The following WWOX variants were observed in gnomAD, a reference collection of about 807,000 sequenced individuals.
WWOX encodes WW domain-containing oxidoreductase.
Under a neutral mutation model 46.2 loss-of-function variants are expected in WWOX, and 69 were observed. The ratio of observed to expected loss-of-function variants is 1.49; its 90% CI spans 1.23 to 1.82. The LOEUF (loss-of-function observed/expected upper bound fraction) is 1.82, where lower values mean the gene tolerates loss of function less well. Ranked by LOEUF, WWOX falls within the 40% of genes most tolerant of loss-of-function variation. WWOX has a pLI of 0.00. For missense variants in WWOX, 919 were observed against 542.6 expected, an observed-to-expected ratio of 1.69 and a Z score of -6.89; for synonymous variants, 359 against 202.6, an observed-to-expected ratio of 1.77 and a Z score of -6.56.
chr16:78,999,202 G>T (rs12596848), intron 8 of WWOX, among the ~76,000 whole-genome samples: 3 of 151,414 alleles, frequency 2.0e-5, no homozygotes, highest in Non-Finnish European at 4.4e-5. Context: ...CAGGGGCAGC[G>T]GGTCATACCT....
intron 8 of WWOX, among the ~76,000 whole-genome samples, chr16:78,781,507 A>T (rs1447596288): frequency 4.6e-5 from 7 of 152,194 alleles, no homozygotes; most frequent in Non-Finnish European, 7.3e-5. Context: ...AGGTATAGAC[A>T]TTATGACCCT....
intron 8 of WWOX, among the ~76,000 whole-genome samples, chr16:78,501,071 A>T (rs1054496194): frequency 3.9e-5 from 6 of 152,158 alleles, no homozygotes; most frequent in Non-Finnish European, 7.3e-5. Context: ...AATGTTGGGC[A>T]GGGCAGAGGG....
chr16:78,862,657 C>G (rs2043915914), intron 8 of WWOX, among the ~76,000 whole-genome samples: 1 of 152,062 alleles, frequency 6.6e-6, no homozygotes, highest in South Asian at 2.1e-4. Flanking sequence ...GCATCAGTTC[C>G]ATTCCATATC....
intron 8 of WWOX, among the ~76,000 whole-genome samples, chr16:78,906,355 G>C (rs948311148): frequency 1.3e-5 from 2 of 152,184 alleles, no homozygotes; most frequent in African/African-American, 4.8e-5. Flanking sequence ...CCGGCTGGAA[G>C]TGCTCTTTGA....
At chr16:78,549,511 A>G (rs751459042) in intron 8 of WWOX, among the ~76,000 whole-genome samples, 16 of 152,146 alleles carry the variant, frequency 1.1e-4, no homozygotes, top group African/African-American at 1.4e-4. Flanking sequence ...TAATCATGCT[A>G]TCTCGACTTC....
intron 8 of WWOX, among the ~76,000 whole-genome samples, chr16:79,030,436 G>A (rs577879857): frequency 6.6e-5 from 10 of 152,126 alleles, no homozygotes; most frequent in Non-Finnish European, 1.3e-4. Context: ...GTGTTCTCCA[G>A]GATGCCTTTT....
At chr16:78,755,799 C>G (rs1337417108) in intron 8 of WWOX, among the ~76,000 whole-genome samples, 2 of 152,202 alleles carry the variant, frequency 1.3e-5, no homozygotes, top group Non-Finnish European at 2.9e-5. Context: ...TGGTTCCACT[C>G]TCACTTTCGC....
At chr16:78,591,916 C>G (rs2045361352) in intron 8 of WWOX, among the ~76,000 whole-genome samples, 1 of 152,218 alleles carries the variant, frequency 6.6e-6, no homozygotes, top group African/African-American at 2.4e-5. Context: ...ACTGACCACT[C>G]TCTGTACAGA....
chr16:79,017,563 C>A (rs1216995486), intron 8 of WWOX: 3 of 150,334 alleles, frequency 2.0e-5, no homozygotes, highest in African/African-American at 7.3e-5. Flanking sequence ...CCTATGACGT[C>A]TGTCACAATT....
intron 8 of WWOX, among the ~76,000 whole-genome samples, chr16:79,088,916 G>C (rs1258428211): frequency 6.6e-6 from 1 of 152,084 alleles, no homozygotes; most frequent in Non-Finnish European, 1.5e-5. Context: ...ACTTCCTATT[G>C]GAGTGTACTT....
intron 4 of WWOX, among the ~76,000 whole-genome samples, chr16:78,148,525 T>TA (rs398042244): frequency 6.6e-6 from 1 of 151,880 alleles, no homozygotes; most frequent in East Asian, 1.9e-4. Context: ...TTTTTTTTTT[T>TA]AACAGGAGGC....
At chr16:78,937,008 T>A (rs978254255) in intron 8 of WWOX, among the ~76,000 whole-genome samples, 5 of 152,224 alleles carry the variant, frequency 3.3e-5, no homozygotes, top group Admixed American at 3.3e-4. Context: ...GGTCATATAC[T>A]GTTTGGTACA....
At chr16:79,074,425 T>TTTTTTTTTTTTTTTTTTTTTTTTTG (rs2048614053) in intron 8 of WWOX, among the ~76,000 whole-genome samples, 1 of 130,034 alleles carries the variant, frequency 7.7e-6, no homozygotes, top group Non-Finnish European at 1.6e-5. Context: ...TTTTTTTTTT[T>TTTTTTTTTTTTTTTTTTTTTTTTTG]TTTTTTTTTT....
At chr16:79,040,087 T>C (rs1432045806) in intron 8 of WWOX, among the ~76,000 whole-genome samples, 1 of 152,124 alleles carries the variant, frequency 6.6e-6, no homozygotes, top group Non-Finnish European at 1.5e-5. Flanking sequence ...GGTATAATAA[T>C]CATTCCTACC....
At chr16:78,387,080 GGCCC>G in intron 6 of WWOX, 132 bp downstream of exon 6, 1 of 868,610 alleles carries the variant, frequency 1.2e-6, no homozygotes, top group South Asian at 1.4e-5. Flanking sequence ...CATTTATATT[GGCCC>G]TGTTAAGGTG....
intron 8 of WWOX, among the ~76,000 whole-genome samples, chr16:78,747,107 C>T (rs763739931): frequency 6.6e-6 from 1 of 152,124 alleles, no homozygotes; most frequent in African/African-American, 2.4e-5. Context: ...TCCTGGGACC[C>T]ACAGAGCCTA....
chr16:78,266,135 G>A (rs1024146430), intron 5 of WWOX: 2 of 152,102 alleles, frequency 1.3e-5, no homozygotes, highest in African/African-American at 4.8e-5. Context: ...GTCAGATGTG[G>A]CCTGTCATGT....
intron 8 of WWOX, among the ~76,000 whole-genome samples, chr16:78,457,716 C>G (rs1360565151): frequency 6.6e-6 from 1 of 151,940 alleles, no homozygotes; most frequent in Non-Finnish European, 1.5e-5. Flanking sequence ...GAGTTCGAGA[C>G]CAGCTTGGCC....
chr16:78,261,570 A>G (rs1201363144), intron 5 of WWOX, among the ~76,000 whole-genome samples: 2 of 150,316 alleles, frequency 1.3e-5, no homozygotes, highest in Non-Finnish European at 3.0e-5. Flanking sequence ...ATTTTTGCAT[A>G]TATACCTGCA....
Sources: gnomAD v4.1 joint callset for allele counts (sites outside exome capture counted in the v4.1 genomes callset) on GRCh38, gnomAD v4.1.1 for gene constraint, MANE v1.5 for transcripts, NCBI Gene and HGNC (gene_info 2026-07-23, HGNC 2026-07-21) for gene names.